The following PCDHB16 variants were observed in gnomAD, a reference collection of about 807,000 sequenced individuals.
PCDHB16 encodes the protein protocadherin beta-16.
For synonymous variants in PCDHB16, 444 were observed against 436.5 expected (o/e 1.02, Z -0.21); for missense variants, 1,026 against 989.9 (o/e 1.04, Z -0.49).
chr5:141,185,056 T>C lies in PCDHB16; in HGVS notation c.*166T>C. 1 of 1,440,306 alleles carries C rather than the reference T, an allele frequency of 6.9e-7. No individual in the cohort carries two copies. The highest frequency in any genetic ancestry group is 3.0e-5 in the Admixed American group (1 of 33,374). The allele number at this position is 1,440,306 out of a possible 1,614,324, so 89.2% of individuals were successfully genotyped here. On this transcript the variant is annotated 3_prime_UTR_variant, in exon 1 of 1. Transcript: ENST00000609684. ...TAAGGTATTTTTCTCTGATTGTTAGTTCAAATTATATTGTTAATTCCAGTT... is the reference window on the plus strand; with the variant it reads ...TAAGGTATTTTTCTCTGATTGTTAGCTCAAATTATATTGTTAATTCCAGTT...
At position 141,183,347 on chromosome 5, in the gene PCDHB16, C is replaced by T; in HGVS notation, c.788C>T (p.Thr263Ile). 2 of 1,614,180 alleles carry T rather than the reference C, an allele frequency of 1.2e-6. No homozygotes were observed. Among genetic ancestry groups the T allele is most frequent in the East Asian group, 2.2e-5 (1 of 44,878 alleles). The change falls in exon 1 of 1, where the codon ACC (threonine) becomes ATC (isoleucine). Residue 263 changes from threonine (T) to isoleucine (I), a missense_variant. Transcript: ENST00000609684. ...ENSPLGSLVA[T>I]VSARDLDGGA... ...AGTCCTCTTGGCTCCCTGGTTGCCA[C>T]CGTCTCCGCCAGGGATTTAGACGGC... is the stretch of plus-strand genomic sequence containing the variant.
Position 141,185,114 on chromosome 5 carries a change from T to C in PCDHB16, c.*224T>C. On this transcript the variant is annotated 3_prime_UTR_variant, in exon 1 of 1. Coordinates refer to ENST00000609684, the MANE Select transcript of PCDHB16 (RefSeq NM_020957.4). ...TCCTCATATTTACCCCGAAGAGGTG[T>C]TGCATATAGAATCCCAATTAACAAA... The C allele has an allele frequency of 7.5e-7, 1 of 1,338,196 alleles. No individual in the cohort carries two copies. The highest frequency in any genetic ancestry group is 9.6e-7 in the Non-Finnish European group (1 of 1,041,502). 82.9% of individuals were successfully genotyped at this position (1,338,196 alleles called of 1,614,324 possible).
In PCDHB16 at chr5:141,185,407, C is replaced by CTTT. The variant is rs200523691; in HGVS notation, c.*528_*530dup. ...TTTCTTTCTTTCTTTTCTTTTCTTT[C>CTTT]TTTTTTTTTTTTTCCTTTTTGAGAC... On this transcript the variant is annotated 3_prime_UTR_variant, in exon 1 of 1. Coordinates refer to ENST00000609684, the MANE Select transcript of PCDHB16 (RefSeq NM_020957.4). 6 of 622,466 alleles carry CTTT rather than the reference C, an allele frequency of 9.6e-6. No homozygotes were observed. Among genetic ancestry groups the CTTT allele is most frequent in the Non-Finnish European group, 1.2e-5 (6 of 500,892 alleles). 38.6% of individuals were successfully genotyped at this position (622,466 alleles called of 1,614,324 possible).
Position 141,183,222 on chromosome 5 carries a change from G to A in PCDHB16, c.663G>A (p.Pro221=). ...CAGCGCTGGATGGTGGCTCTCCACC[G>A]CGATCTGGAACTGCTCAGGTCCGTA... ...TLTALDGGSP[P]RSGTAQVRIE... The change falls in exon 1 of 1, where the codon CCG becomes CCA. Residue 221 remains proline, a synonymous_variant. Coordinates refer to ENST00000609684, the MANE Select transcript of PCDHB16 (RefSeq NM_020957.4). The A allele has an allele frequency of 4.3e-6, 7 of 1,614,182 alleles. No individual in the cohort carries two copies. Among genetic ancestry groups the A allele is most frequent in the South Asian group, 2.2e-5 (2 of 91,084 alleles).
chr5:141,183,046 G>C lies in PCDHB16; in HGVS notation c.487G>C (p.Gly163Arg). The change falls in exon 1 of 1, where the codon GGA (glycine) becomes CGA (arginine). Residue 163 changes from glycine (G) to arginine (R), a missense_variant. Physicochemically the swap from Gly to Arg is moderately radical, Grantham distance 125. Transcript: ENST00000609684. ...PLNHALDLDV[G>R]SNNVQNYKIS... The stretch of plus-strand genomic sequence containing the variant: ...GAATCATGCTTTGGACTTGGACGTA[G>C]GAAGCAATAATGTTCAAAACTATAA... The C allele has an allele frequency of 6.2e-7, 1 of 1,614,158 alleles. No individual in the cohort carries two copies. The highest frequency in any genetic ancestry group is 1.1e-5 in the South Asian group (1 of 91,082).
chr5:141,184,019 C>A lies in PCDHB16; in HGVS notation c.1460C>A (p.Thr487Asn), dbSNP rs782401837. The change falls in exon 1 of 1, where the codon ACC (threonine) becomes AAC (asparagine). Residue 487 changes from threonine (T) to asparagine (N), a missense_variant. Physicochemically the swap from Thr to Asn is moderately conservative, Grantham distance 65. Coordinates refer to ENST00000609684, the MANE Select transcript of PCDHB16 (RefSeq NM_020957.4). ...DRDSGTNAQV[T>N]YSLLPPQDPH... Reference sequence around the variant, plus strand: ...GACTCGGGCACCAACGCCCAGGTCACCTACTCGCTGCTGCCGCCCCAAGAC... The same window carrying A: ...GACTCGGGCACCAACGCCCAGGTCAACTACTCGCTGCTGCCGCCCCAAGAC... 1.6e-5 allele frequency: 26 copies of A among 1,606,752 alleles called. No individual in the cohort carries two copies. The highest frequency in any genetic ancestry group is 1.3e-4 in the Admixed American group (8 of 59,502).
rs1214665004 is a variant in PCDHB16 at position 141,185,062 on chromosome 5, T to C, written c.*172T>C. 19 of 1,433,848 alleles carry C rather than the reference T, an allele frequency of 1.3e-5. No individual in the cohort carries two copies. Among genetic ancestry groups the C allele is most frequent in the Non-Finnish European group, 1.6e-5 (18 of 1,092,470 alleles). The allele number at this position is 1,433,848 out of a possible 1,614,324, so 88.8% of individuals were successfully genotyped here. Reference sequence around the variant, plus strand: ...ATTTTTCTCTGATTGTTAGTTCAAATTATATTGTTAATTCCAGTTTCCCTT... The same window carrying C: ...ATTTTTCTCTGATTGTTAGTTCAAACTATATTGTTAATTCCAGTTTCCCTT... On this transcript the variant is annotated 3_prime_UTR_variant, in exon 1 of 1. Coordinates refer to ENST00000609684, the MANE Select transcript of PCDHB16 (RefSeq NM_020957.4).
In PCDHB16 at chr5:141,184,821, T is replaced by C; in HGVS notation, c.2262T>C (p.Cys754=). Residue 754 remains cysteine, a synonymous_variant, in exon 1 of 1, where the codon TGT becomes TGC. Coordinates refer to ENST00000609684, the MANE Select transcript of PCDHB16 (RefSeq NM_020957.4). ...CCCAGAGCTACCAATACGAGGTGTG[T>C]CTGACAGGAGGCTCAGAAACAAGTG... is the stretch of plus-strand genomic sequence containing the variant. The part of the protein sequence containing the change: ...TLSQSYQYEV[C]LTGGSETSEF... 3 of 1,614,218 alleles carry C rather than the reference T, an allele frequency of 1.9e-6. No individual in the cohort carries two copies. The highest frequency in any genetic ancestry group is 2.5e-6 in the Non-Finnish European group (3 of 1,180,046).
Position 141,183,421 on chromosome 5 carries a change from A to T in PCDHB16, c.862A>T (p.Ile288Phe). The T allele has an allele frequency of 6.2e-7, 1 of 1,614,172 alleles. No individual in the cohort carries two copies. The highest frequency in any genetic ancestry group is 8.5e-7 in the Non-Finnish European group (1 of 1,180,044). Residue 288 changes from isoleucine (I) to phenylalanine (F), a missense_variant, in exon 1 of 1, where the codon ATT (isoleucine) becomes TTT (phenylalanine). Coordinates refer to ENST00000609684, the MANE Select transcript of PCDHB16 (RefSeq NM_020957.4). The stretch of plus-strand genomic sequence containing the variant: ...CACACTCTTTCAGCCTTCGGAGGAT[A>T]TTAGTAAAACTTTGGAGGTAAATCC... ...SYTLFQPSED[I>F]SKTLEVNPMT...
Position 141,184,357 on chromosome 5 carries a change from G to T in PCDHB16, c.1798G>T (p.Ala600Ser). The change falls in exon 1 of 1, where the codon GCC becomes TCC. Residue 600 changes from alanine (A) to serine (S), a missense_variant. By Grantham distance (99) the Ala-to-Ser change is moderately conservative. Coordinates refer to ENST00000609684, the MANE Select transcript of PCDHB16 (RefSeq NM_020957.4). Reference protein sequence around the residue: ...VAVDGDSGQNAWLSYQLLKAT... With the variant: ...VAVDGDSGQNSWLSYQLLKAT... ...GGTGGACGGCGACTCGGGCCAGAAT[G>T]CCTGGCTGTCGTACCAGCTGCTCAA... 1 of 1,598,638 alleles carries T rather than the reference G, an allele frequency of 6.3e-7. No individual in the cohort carries two copies. The highest frequency in any genetic ancestry group is 8.5e-7 in the Non-Finnish European group (1 of 1,176,110).
At position 141,183,977 on chromosome 5, in the gene PCDHB16, T is replaced by A; in HGVS notation, c.1418T>A (p.Val473Asp). 1 of 1,611,940 alleles carries A rather than the reference T, an allele frequency of 6.2e-7. No individual in the cohort carries two copies. Among genetic ancestry groups the A allele is most frequent in the Non-Finnish European group, 8.5e-7 (1 of 1,179,736 alleles). ...NNSPALHIGS[V>D]SATDRDSGTN... Reference sequence around the variant, plus strand: ...AGCCCCGCCCTGCACATCGGCAGCGTCAGCGCCACAGACAGAGACTCGGGC... The same window carrying A: ...AGCCCCGCCCTGCACATCGGCAGCGACAGCGCCACAGACAGAGACTCGGGC... Residue 473 changes from valine to aspartate, a missense_variant, in exon 1 of 1, where the codon GTC becomes GAC. By Grantham distance (152) the Val-to-Asp change is radical. Transcript: ENST00000609684.
chr5:141,183,056 A>G lies in PCDHB16; in HGVS notation c.497A>G (p.Asn166Ser). The G allele has an allele frequency of 6.2e-7, 1 of 1,614,206 alleles. No individual in the cohort carries two copies. Among genetic ancestry groups the G allele is most frequent in the Non-Finnish European group, 8.5e-7 (1 of 1,180,042 alleles). Residue 166 changes from asparagine to serine, a missense_variant, in exon 1 of 1, where the codon AAT becomes AGT. Physicochemically the swap from Asn to Ser is conservative, Grantham distance 46. Transcript: ENST00000609684. ...HALDLDVGSN[N>S]VQNYKISPSS... ...TTGGACTTGGACGTAGGAAGCAATA[A>G]TGTTCAAAACTATAAAATCAGCCCA...
At position 141,183,096 on chromosome 5, in the gene PCDHB16, G is replaced by A; in HGVS notation, c.537G>A (p.Arg179=). 3.1e-6 allele frequency: 5 copies of A among 1,614,156 alleles called. No individual in the cohort carries two copies. Among genetic ancestry groups the A allele is most frequent in the African/African-American group, 1.3e-5 (1 of 75,024 alleles). The change falls in exon 1 of 1, where the codon CGG becomes CGA. Residue 179 remains arginine, a synonymous_variant. Transcript: ENST00000609684. ...NYKISPSSHF[R]VLIHEFRDGR... ...AAATCAGCCCAAGCTCTCATTTCCGGGTTCTAATCCATGAATTCAGAGATG... is the reference window on the plus strand; with the variant it reads ...AAATCAGCCCAAGCTCTCATTTCCGAGTTCTAATCCATGAATTCAGAGATG...
rs370659703 is a variant in PCDHB16, at chr5:141,183,773, C to A, written c.1214C>A (p.Thr405Lys). The A allele has an allele frequency of 1.9e-6, 3 of 1,614,048 alleles. No homozygotes were observed. The highest frequency in any genetic ancestry group is 1.3e-5 in the African/African-American group (1 of 74,932). Residue 405 changes from threonine to lysine, a missense_variant, in exon 1 of 1, where the codon ACG (threonine) becomes AAG (lysine). Coordinates refer to ENST00000609684, the MANE Select transcript of PCDHB16 (RefSeq NM_020957.4). ...PSVKNFYTLV[T>K]ERALDREARA... is the part of the protein sequence containing the mutation. Reference sequence around the variant, plus strand: ...GTCAAGAACTTTTACACCTTGGTAACGGAGAGAGCACTCGACAGAGAAGCA... The same window carrying A: ...GTCAAGAACTTTTACACCTTGGTAAAGGAGAGAGCACTCGACAGAGAAGCA...
Position 141,183,388 on chromosome 5 carries a change from A to C in PCDHB16, c.829A>C (p.Ile277Leu). The C allele has an allele frequency of 6.2e-7, 1 of 1,614,170 alleles. No homozygotes were observed. Among genetic ancestry groups the C allele is most frequent in the Non-Finnish European group, 8.5e-7 (1 of 1,180,026 alleles). The part of the protein sequence containing the change: ...RDLDGGANGK[I>L]SYTLFQPSED... The stretch of plus-strand genomic sequence containing the variant: ...TTTAGACGGCGGAGCCAATGGAAAA[A>C]TATCATACACACTCTTTCAGCCTTC... Residue 277 changes from isoleucine to leucine, a missense_variant, in exon 1 of 1, where the codon ATA (isoleucine) becomes CTA (leucine). By Grantham distance (5) the Ile-to-Leu change is conservative (BLOSUM62 2). Transcript: ENST00000609684.
Position 141,185,389 on chromosome 5 carries a change from C to T in PCDHB16, c.*499C>T. The T allele has an allele frequency of 1.3e-6, 1 of 750,204 alleles. No individual in the cohort carries two copies. 46.5% of individuals were successfully genotyped at this position (750,204 alleles called of 1,614,324 possible). A position where few individuals can be genotyped will look rare whatever the true frequency, so the allele number is the denominator to read the frequency against. On this transcript the variant is annotated 3_prime_UTR_variant, in exon 1 of 1. Coordinates refer to ENST00000609684, the MANE Select transcript of PCDHB16 (RefSeq NM_020957.4). ...ATAATACTTTTCTTAAAGTTTCTTT[C>T]TTTCTTTTCTTTTCTTTCTTTTTTT... is the stretch of plus-strand genomic sequence containing the variant.
chr5:141,186,208 C>G lies in PCDHB16; in HGVS notation c.*1318C>G, dbSNP rs1486643000. Reference sequence around the variant, plus strand: ...AGATATTAGGCCTTTGAATAAAATTCTATGTGAGTCAGATTTAATAATTTG... The same window carrying G: ...AGATATTAGGCCTTTGAATAAAATTGTATGTGAGTCAGATTTAATAATTTG... On this transcript the variant is annotated 3_prime_UTR_variant, in exon 1 of 1. Transcript: ENST00000609684. 18 of 989,794 alleles carry G rather than the reference C, an allele frequency of 1.8e-5. No homozygotes were observed. The highest frequency in any genetic ancestry group is 5.2e-4 in the Middle Eastern group (1 of 1,924). 61.3% of individuals were successfully genotyped at this position (989,794 alleles called of 1,614,324 possible).
Position 141,184,749 on chromosome 5 carries a change from C to A in PCDHB16, c.2190C>A (p.Gly730=), listed in dbSNP as rs144519657. The A allele has an allele frequency of 1.1e-3, 1,765 of 1,614,208 alleles. 12 individuals carry two copies. In the African/African-American group the frequency reaches 0.021, roughly 19 times the overall value. The part of the protein sequence containing the change: ...ASVGRCSMPE[G]PFPGRLVDVS... ...TGGGCCGCTGCTCGATGCCTGAGGG[C>A]CCCTTTCCAGGGCGTCTGGTGGACG... Residue 730 remains glycine, a synonymous_variant, in exon 1 of 1, where the codon GGC becomes GGA. Coordinates refer to ENST00000609684, the MANE Select transcript of PCDHB16 (RefSeq NM_020957.4).
Position 141,184,972 on chromosome 5 carries a change from A to G in PCDHB16, c.*82A>G. ...TTATTGATAGGAACCCATTTGATAA[A>G]TTCCTTAACTTCTTATGATTGTCTT... On this transcript the variant is annotated 3_prime_UTR_variant, in exon 1 of 1. Transcript: ENST00000609684. The G allele has an allele frequency of 1.3e-6, 2 of 1,532,392 alleles. No individual in the cohort carries two copies. The highest frequency in any genetic ancestry group is 8.8e-7 in the Non-Finnish European group (1 of 1,141,946). The allele number at this position is 1,532,392 out of a possible 1,614,324, so 94.9% of individuals were successfully genotyped here. A position where few individuals can be genotyped will look rare whatever the true frequency, so the allele number is the denominator to read the frequency against.
Sources: allele counts gnomAD v4.1 joint callset, GRCh38; gene constraint gnomAD v4.1.1; transcripts MANE v1.5; gene names NCBI Gene and HGNC (gene_info 2026-07-23, HGNC 2026-07-21).